PDGFRA: variants seen among roughly 807,000 people sequenced by gnomAD.
The protein encoded by PDGFRA is platelet derived growth factor receptor alpha, also known as platelet-derived growth factor receptor alpha.
Under a neutral mutation model 121.5 loss-of-function variants are expected in PDGFRA, and 25 were observed. That is an observed-to-expected ratio of 0.21 (90% confidence interval 0.15 to 0.29). The LOEUF (loss-of-function observed/expected upper bound fraction) is 0.29. Among genes scored for constraint, PDGFRA ranks in the 10% least tolerant of loss-of-function variants. The probability of loss-of-function intolerance (pLI) is 1.00; values close to 1 mark genes in which losing one functional copy is unlikely to be tolerated. For synonymous variants in PDGFRA, 463 were observed against 494.8 expected (o/e 0.94, Z 0.85); for missense variants, 1,008 against 1,345.1 (o/e 0.75, Z 3.92).
At chr4:54,277,345 G>A (rs899223712) in intron 12 of PDGFRA, 43 bp from the exon 13 acceptor site, 3 of 1,332,054 alleles carry the variant, frequency 2.3e-6, no homozygotes, top group Non-Finnish European at 3.2e-6. Context: ...AGCTGAGGAG[G>A]CGTCTGGAGT....
At chr4:54,285,527 A>G (rs771922513) in intron 17 of PDGFRA, 41 bp downstream of exon 17, 2 of 876,262 alleles carry the variant, frequency 2.3e-6, no homozygotes, top group Admixed American at 1.7e-5. Context: ...CCCAGATTTC[A>G]GTGAGTGGAG....
chr4:54,285,247 A>C, intron 16 of PDGFRA, 124 bp from the exon 17 acceptor site: 1 of 691,744 alleles, frequency 1.4e-6, no homozygotes, highest in Non-Finnish European at 2.6e-6. Context: ...TTCATCTGTG[A>C]GATCTAAACA....
At position 54,248,589 on chromosome 4, in the gene PDGFRA, G is replaced by A. The variant is rs946303942; in HGVS notation, c.-12-10168G>A. ...TTCAAGATGGATTAAAGACTTAAAC[G>A]TTAGACCTAAAACCATAAAAACCCT... On this transcript the variant is annotated intron_variant, in intron 1 of 22. Transcript: ENST00000257290. Among the ~76,000 whole-genome samples the A allele has an allele frequency of 5.3e-5, 8 of 152,094 alleles. No individual in the cohort carries two copies. The East Asian group carries it at 7.7e-4, about 15-fold the overall frequency.
At chr4:54,229,515 G>GAAA in intron 1 of PDGFRA, 100 bp downstream of exon 1, 8 of 322,414 alleles carry the variant, frequency 2.5e-5, no homozygotes, top group Admixed American at 1.0e-4. Context: ...TGGGCGACAA[G>GAAA]AAAAAAAAAA....
chr4:54,290,201 A>G (rs750348774), intron 21 of PDGFRA, 112 bp from the exon 22 acceptor site: 20 of 868,650 alleles, frequency 2.3e-5, no homozygotes, highest in Non-Finnish European at 3.5e-5. Flanking sequence ...CACATCTTCC[A>G]GGTAGTTTGG....
chr4:54,296,324 A>C lies in PDGFRA; in HGVS notation c.*1052A>C, dbSNP rs1237509601. ...ACATAACTTCTCATGTATATTACCC[A>C]ATGGAAAATATAATGATCAGCAAAA... On this transcript the variant is annotated 3_prime_UTR_variant, in exon 23 of 23. Coordinates refer to ENST00000257290, the MANE Select transcript of PDGFRA (RefSeq NM_006206.6). 2.2e-5 allele frequency: 5 copies of C among 232,508 alleles called. No homozygotes were observed. The highest frequency in any genetic ancestry group is 4.4e-5 in the African/African-American group (2 of 45,264). The allele number at this position is 232,508 out of a possible 1,614,324, so 14.4% of individuals were successfully genotyped here.
intron 1 of PDGFRA, among the ~76,000 whole-genome samples, chr4:54,241,965 T>C (rs1274952460): frequency 6.6e-6 from 1 of 152,252 alleles, no homozygotes; most frequent in Non-Finnish European, 1.5e-5. Flanking sequence ...TGACTTTTAA[T>C]TCTAGAATCT....
At chr4:54,286,417 G>A (rs966137915) in intron 18 of PDGFRA, among the ~76,000 whole-genome samples, 9 of 151,308 alleles carry the variant, frequency 5.9e-5, no homozygotes, top group East Asian at 1.9e-4. Context: ...GTGCAGTGGC[G>A]CAATCTTGGC....
chr4:54,259,780 A>G (rs1722586172), intron 2 of PDGFRA, among the ~76,000 whole-genome samples: 1 of 152,212 alleles, frequency 6.6e-6, no homozygotes, highest in Non-Finnish European at 1.5e-5. Context: ...AAGCTTTAGG[A>G]ATTATAGTGG....
chr4:54,263,904 C>T lies in PDGFRA; in HGVS notation c.605C>T (p.Pro202Leu), dbSNP rs2110253833. 6.2e-7 allele frequency: 1 copy of T among 1,613,926 alleles called. No individual in the cohort carries two copies. Among genetic ancestry groups the T allele is most frequent in the Non-Finnish European group, 8.5e-7 (1 of 1,179,956 alleles). Residue 202 changes from proline to leucine, a missense_variant, in exon 4 of 23, where the codon CCA becomes CTA. Physicochemically the swap from Pro to Leu is moderately conservative, Grantham distance 98. Transcript: ENST00000257290. ...TVKGKKFQTI[P>L]FNVYALKATS... The stretch of plus-strand genomic sequence containing the variant: ...AAAGGAAAGAAGTTCCAGACCATCC[C>T]ATTTAATGTTTATGCTTTAAAAGGT...
chr4:54,290,460 CAG>C lies in PDGFRA; in HGVS notation c.3032_3033del (p.Arg1011ThrfsTer4). On this transcript the variant is annotated frameshift_variant, in exon 22 of 23. Transcript: ENST00000257290. LOFTEE classifies it high-confidence loss of function. The stretch of plus-strand genomic sequence containing the variant: ...GGACTGGGAGGGTGGTCTGGATGAG[CAG>C]AGACTGAGCGCTGACAGTGGCTACA... ...LKDWEGGLDE[Q>X]RLSADSGYII... The C allele has an allele frequency of 3.7e-6, 6 of 1,613,832 alleles. No homozygotes were observed. The highest frequency in any genetic ancestry group is 5.1e-6 in the Non-Finnish European group (6 of 1,179,728).
intron 1 of PDGFRA, among the ~76,000 whole-genome samples, chr4:54,253,260 C>T (rs1230550442): frequency 3.3e-5 from 5 of 152,156 alleles, no homozygotes; most frequent in Admixed American, 6.5e-5. Flanking sequence ...GTAATGAAAA[C>T]CAAAGCACTT....
chr4:54,260,005 C>A (rs908339836), intron 2 of PDGFRA, among the ~76,000 whole-genome samples: 4 of 152,182 alleles, frequency 2.6e-5, no homozygotes, highest in Non-Finnish European at 4.4e-5. Context: ...AGAATGACCA[C>A]AAACCTTCAG....
At chr4:54,273,796 A>G (rs1382199346) in intron 10 of PDGFRA, 66 bp downstream of exon 10, 12 of 1,342,728 alleles carry the variant, frequency 8.9e-6, no homozygotes, top group Non-Finnish European at 1.3e-5. Context: ...GGAACTTTGA[A>G]TCCCAGATAG....
chr4:54,287,613 GC>G, intron 19 of PDGFRA, 72 bp downstream of exon 19: 1 of 785,212 alleles, frequency 1.3e-6, no homozygotes, highest in South Asian at 1.3e-5. Context: ...GTTCTTTCAA[GC>G]CCCAGGATGT....
intron 1 of PDGFRA, among the ~76,000 whole-genome samples, chr4:54,241,826 G>C (rs976402024): frequency 1.3e-5 from 2 of 152,110 alleles, no homozygotes; most frequent in African/African-American, 4.8e-5. Flanking sequence ...TGGGATTACA[G>C]GCATGAGCCA....
intron 2 of PDGFRA, among the ~76,000 whole-genome samples, chr4:54,260,208 C>G (rs1342547988): frequency 6.6e-6 from 1 of 152,090 alleles, no homozygotes; most frequent in Admixed American, 6.6e-5. Flanking sequence ...GAGCAAGACT[C>G]CATCTCATAA....
chr4:54,277,283 G>C, intron 12 of PDGFRA, 105 bp from the exon 13 acceptor site: 1 of 808,754 alleles, frequency 1.2e-6, no homozygotes, highest in Non-Finnish European at 2.2e-6. Flanking sequence ...CTCCAAACAG[G>C]AAAGACACTC....
intron 1 of PDGFRA, among the ~76,000 whole-genome samples, chr4:54,247,711 G>A (rs1308152753): frequency 3.9e-5 from 6 of 152,150 alleles, no homozygotes; most frequent in Admixed American, 1.3e-4. Flanking sequence ...AGTGTTGGAC[G>A]TTCTGGCCAG....
Sources: gnomAD v4.1 joint callset for allele counts (sites outside exome capture counted in the v4.1 genomes callset) on GRCh38, gnomAD v4.1.1 for gene constraint, MANE v1.5 for transcripts, NCBI Gene and HGNC (gene_info 2026-07-23, HGNC 2026-07-21) for gene names.